Variants in SLC44A5 observed in about 807,000 individuals in gnomAD.
SLC44A5 encodes solute carrier family 44 member 5.
In SLC44A5, 57 loss-of-function variants were observed where a neutral mutation model predicts 101.8. That is an observed-to-expected ratio of 0.56 (90% CI 0.45 to 0.70). The LOEUF is 0.70. SLC44A5 is among the 30% of genes least tolerant of loss of function. The pLI, the probability that SLC44A5 is intolerant of heterozygous loss-of-function variation, is 0.00. For missense variants in SLC44A5, 737 were observed against 853.1 expected (o/e 0.86, Z 1.70); for synonymous variants, 281 against 290.9 (o/e 0.97, Z 0.35).
the SLC44A5 span, among the ~76,000 whole-genome samples, chr1:75,683,880 T>C: frequency 1.3e-5 from 2 of 152,016 alleles, no homozygotes; most frequent in Admixed American, 6.6e-5. Flanking sequence ...GAAAAAGATA[T>C]TCCATGCAAA....
At chr1:75,249,791 T>C (rs573925082) in intron 7 of SLC44A5, among the ~76,000 whole-genome samples, 1 of 152,238 alleles carries the variant, frequency 6.6e-6, no homozygotes, top group East Asian at 1.9e-4. Context: ...GGGTTCTCCT[T>C]TGGGAAGAAG....
the SLC44A5 span, among the ~76,000 whole-genome samples, chr1:75,626,112 C>G: frequency 6.6e-6 from 1 of 152,090 alleles, no homozygotes; most frequent in Non-Finnish European, 1.5e-5. Context: ...ATCTTAGTCA[C>G]TATTAGGGTC....
At chr1:75,270,093 A>T (rs1306462055) in intron 6 of SLC44A5, among the ~76,000 whole-genome samples, 2 of 152,158 alleles carry the variant, frequency 1.3e-5, no homozygotes, top group African/African-American at 4.8e-5. Context: ...TGGAACTGTG[A>T]GTCCATTAAG....
chr1:75,559,629 C>T (rs1172817060), intron 1 of SLC44A5, among the ~76,000 whole-genome samples: 1 of 152,112 alleles, frequency 6.6e-6, no homozygotes, highest in Non-Finnish European at 1.5e-5. Context: ...CATACACATT[C>T]AAATGTTTAT....
At chr1:75,391,367 TA>T (rs2101357770) in intron 3 of SLC44A5, among the ~76,000 whole-genome samples, 1 of 152,158 alleles carries the variant, frequency 6.6e-6, no homozygotes, top group South Asian at 2.1e-4. Flanking sequence ...AAAATTTATA[TA>T]AAACCAAAAA....
chr1:75,680,850 T>C, the SLC44A5 span, among the ~76,000 whole-genome samples: 2 of 151,272 alleles, frequency 1.3e-5, no homozygotes, highest in East Asian at 3.9e-4. Context: ...ATCAACAAAA[T>C]TGATAGACGG....
intron 3 of SLC44A5, among the ~76,000 whole-genome samples, chr1:75,361,924 T>C (rs1256088903): frequency 6.6e-6 from 1 of 152,002 alleles, no homozygotes; most frequent in African/African-American, 2.4e-5. Flanking sequence ...GAATCAGTAT[T>C]AGTTTTTCTT....
intron 1 of SLC44A5, among the ~76,000 whole-genome samples, chr1:75,546,880 T>A (rs981752202): frequency 1.3e-5 from 2 of 152,222 alleles, no homozygotes; most frequent in African/African-American, 2.4e-5. Flanking sequence ...AAACTCATAC[T>A]AACTTGTTAT....
At chr1:75,697,945 G>A in the SLC44A5 span, among the ~76,000 whole-genome samples, 6 of 152,200 alleles carry the variant, frequency 3.9e-5, no homozygotes, top group African/African-American at 9.6e-5. Flanking sequence ...CTTTTCCAAC[G>A]GGCTTAAAAA....
intron 6 of SLC44A5, among the ~76,000 whole-genome samples, chr1:75,267,233 T>C (rs1303583196): frequency 6.6e-6 from 1 of 152,156 alleles, no homozygotes; most frequent in Non-Finnish European, 1.5e-5. Context: ...AAATAAAGAC[T>C]GAGGTAGGTT....
intron 1 of SLC44A5, among the ~76,000 whole-genome samples, chr1:75,561,853 T>C (rs985187502): frequency 1.3e-5 from 2 of 152,104 alleles, no homozygotes; most frequent in African/African-American, 2.4e-5. Flanking sequence ...CTGATTTGCA[T>C]TGGAATAAGC....
intron 2 of SLC44A5, among the ~76,000 whole-genome samples, chr1:75,448,259 T>C (rs898071404): frequency 2.6e-5 from 4 of 152,186 alleles, no homozygotes; most frequent in Non-Finnish European, 4.4e-5. Flanking sequence ...GCTTTGTCTA[T>C]CTTGTCCTAA....
chr1:75,576,054 A>C (rs976375827), intron 1 of SLC44A5, among the ~76,000 whole-genome samples: 2 of 152,092 alleles, frequency 1.3e-5, no homozygotes, highest in Non-Finnish European at 2.9e-5. Flanking sequence ...TGTAGTACAG[A>C]AAACTGCCAC....
At chr1:75,393,487 A>C (rs1415434165) in intron 3 of SLC44A5, among the ~76,000 whole-genome samples, 1 of 152,210 alleles carries the variant, frequency 6.6e-6, no homozygotes, top group Non-Finnish European at 1.5e-5. Context: ...TTATAAATAA[A>C]GATTTTGACA....
chr1:75,652,677 G>A, the SLC44A5 span, among the ~76,000 whole-genome samples: 6 of 151,966 alleles, frequency 3.9e-5, no homozygotes, highest in Non-Finnish European at 8.8e-5. Flanking sequence ...ACCTATAATC[G>A]TAGCTACTCA....
In SLC44A5 at chr1:75,215,775, TA is replaced by T; in HGVS notation, c.1706del (p.Leu569Ter). On this transcript the variant is annotated frameshift_variant, in exon 19 of 24. Transcript: ENST00000370859. LOFTEE classifies it high-confidence loss of function. ...FWCLENAIKF[L>X]NRNAYIMIAI... is the part of the protein sequence containing the mutation. The stretch of plus-strand genomic sequence containing the variant: ...CTACCATAATATAGGCATTTCTGTT[TA>T]AAAACTTTATTGCATTTTCCAAACA... 3.1e-6 allele frequency: 5 copies of T among 1,603,476 alleles called. No individual in the cohort carries two copies. Among genetic ancestry groups the T allele is most frequent in the Non-Finnish European group, 4.3e-6 (5 of 1,170,924 alleles).
At chr1:75,554,049 C>T (rs59401016) in intron 1 of SLC44A5, among the ~76,000 whole-genome samples, 25,014 of 151,974 alleles carry the variant, frequency 0.16, 2,243 homozygotes, top group Admixed American at 0.24. Context: ...AATTTGAAGC[C>T]GTGTGTAAGA....
intron 2 of SLC44A5, among the ~76,000 whole-genome samples, chr1:75,459,285 T>TTATTTAG (rs951013995): frequency 6.6e-6 from 1 of 152,198 alleles, no homozygotes; most frequent in African/African-American, 2.4e-5. Flanking sequence ...TAGCCTTTAT[T>TTATTTAG]TATTTAGTAT....
At chr1:75,320,018 C>G (rs1656018413) in intron 4 of SLC44A5, among the ~76,000 whole-genome samples, 2 of 152,120 alleles carry the variant, frequency 1.3e-5, no homozygotes, top group Admixed American at 1.3e-4. Context: ...TGATCCTTTT[C>G]AAATCTTACA....
Sources: gnomAD v4.1 joint callset for allele counts (sites outside exome capture counted in the v4.1 genomes callset) on GRCh38, gnomAD v4.1.1 for gene constraint, MANE v1.5 for transcripts, NCBI Gene and HGNC (gene_info 2026-07-23, HGNC 2026-07-21) for gene names.